The following MACROD2 variants were observed in gnomAD, a reference collection of about 807,000 sequenced individuals.
MACROD2 encodes the protein mono-ADP ribosylhydrolase 2.
In MACROD2, 36 loss-of-function variants were observed where a neutral mutation model predicts 70.4. The ratio of observed to expected loss-of-function variants is 0.51; its 90% CI spans 0.39 to 0.68. The LOEUF (loss-of-function observed/expected upper bound fraction) is 0.68. Among genes scored for constraint, MACROD2 ranks in the 30% least tolerant of loss-of-function variants. The pLI is 0.00. For synonymous variants in MACROD2, 172 were observed against 178.8 expected, an observed-to-expected ratio of 0.96 and a Z score of 0.30; for missense variants, 496 against 538.4, an observed-to-expected ratio of 0.92 and a Z score of 0.78.
intron 3 of MACROD2, among the ~76,000 whole-genome samples, chr20:14,143,709 T>C (rs1296984178): frequency 6.6e-6 from 1 of 152,210 alleles, no homozygotes; most frequent in Non-Finnish European, 1.5e-5. Flanking sequence ...GGAATGAGCA[T>C]CTTCCATTAA....
intron 8 of MACROD2, among the ~76,000 whole-genome samples, chr20:15,820,129 G>A (rs1301706305): frequency 6.6e-6 from 1 of 152,040 alleles, no homozygotes; most frequent in Non-Finnish European, 1.5e-5. Flanking sequence ...AAGCATGAAT[G>A]GGTACAGTTA....
intron 5 of MACROD2, among the ~76,000 whole-genome samples, chr20:15,067,778 G>A (rs922002623): frequency 2.6e-5 from 4 of 152,262 alleles, no homozygotes; most frequent in South Asian, 2.1e-4. Context: ...TTGGATGGGG[G>A]TGGGGAATGG....
intron 5 of MACROD2, among the ~76,000 whole-genome samples, chr20:14,908,889 G>C (rs1158011329): frequency 6.6e-6 from 1 of 152,174 alleles, no homozygotes; most frequent in African/African-American, 2.4e-5. Flanking sequence ...AGTTAAATGT[G>C]TAAATGGTGT....
intron 3 of MACROD2, among the ~76,000 whole-genome samples, chr20:14,422,543 T>C (rs2083886711): frequency 6.6e-6 from 1 of 152,178 alleles, no homozygotes; most frequent in East Asian, 1.9e-4. Context: ...AAAGCTTTGA[T>C]TCCTTTATTA....
intron 6 of MACROD2, among the ~76,000 whole-genome samples, chr20:15,358,950 G>A (rs1025055339): frequency 2.6e-5 from 4 of 152,084 alleles, no homozygotes; most frequent in Non-Finnish European, 5.9e-5. Context: ...GAATTTTGGG[G>A]TGACACAAAC....
At chr20:15,661,741 G>A (rs2146817499) in intron 8 of MACROD2, among the ~76,000 whole-genome samples, 1 of 152,248 alleles carries the variant, frequency 6.6e-6, no homozygotes, top group African/African-American at 2.4e-5. Context: ...CCCTGGAATG[G>A]CAATAGTGTC....
chr20:15,125,142 A>G (rs1227352919), intron 5 of MACROD2, among the ~76,000 whole-genome samples: 5 of 152,082 alleles, frequency 3.3e-5, no homozygotes, highest in Non-Finnish European at 7.4e-5. Context: ...ATAGTTGTGT[A>G]TAAACTTATT....
chr20:15,533,579 C>A (rs1273454194), intron 8 of MACROD2, among the ~76,000 whole-genome samples: 2 of 137,528 alleles, frequency 1.5e-5, no homozygotes, highest in African/African-American at 5.5e-5. Context: ...CTCTCTCTCT[C>A]TCTTTTTAAG....
rs1217800373 is a variant in MACROD2 at position 15,571,108 on chromosome 20, G to T, written c.645+71261G>T. 3.3e-5 allele frequency among the ~76,000 whole-genome samples: 5 copies of T among 152,030 alleles called. No individual in the cohort carries two copies. In the East Asian group the frequency reaches 9.6e-4, roughly 29 times the overall value. On this transcript the variant is annotated intron_variant, in intron 8 of 17. Coordinates refer to ENST00000684519, the MANE Select transcript of MACROD2 (RefSeq NM_001351661.2). ...CTGCTAAAGAAATTTAACTCTTAAG[G>T]TATATTTTAATCTACAATTGTAGGT...
chr20:14,558,986 G>C (rs1270368101), intron 4 of MACROD2, among the ~76,000 whole-genome samples: 3 of 151,752 alleles, frequency 2.0e-5, no homozygotes, highest in African/African-American at 7.2e-5. Context: ...CAGACACAAA[G>C]ATTCACAAAT....
At chr20:14,473,383 A>G (rs1180639228) in intron 3 of MACROD2, among the ~76,000 whole-genome samples, 2 of 152,234 alleles carry the variant, frequency 1.3e-5, no homozygotes, top group Non-Finnish European at 2.9e-5. Context: ...TAGATTTCAC[A>G]TATACGTGAG....
At chr20:15,331,438 A>AT (rs553053258) in intron 6 of MACROD2, among the ~76,000 whole-genome samples, 1 of 151,484 alleles carries the variant, frequency 6.6e-6, no homozygotes, top group Non-Finnish European at 1.5e-5. Context: ...ATGCACATCA[A>AT]TTTTTTTTCT....
At chr20:15,082,535 T>G (rs934906530) in intron 5 of MACROD2, among the ~76,000 whole-genome samples, 2 of 138,932 alleles carry the variant, frequency 1.4e-5, no homozygotes, top group Non-Finnish European at 3.1e-5. Flanking sequence ...TTTTTTTTTT[T>G]TTTTTTTTTT....
intron 3 of MACROD2, among the ~76,000 whole-genome samples, chr20:14,339,832 C>T (rs1225430820): frequency 6.6e-6 from 1 of 152,156 alleles, no homozygotes; most frequent in Non-Finnish European, 1.5e-5. Context: ...AAAATATATT[C>T]TATACTGGGG....
intron 7 of MACROD2, among the ~76,000 whole-genome samples, chr20:15,446,612 C>T (rs1439441120): frequency 3.3e-5 from 5 of 152,286 alleles, no homozygotes; most frequent in African/African-American, 4.8e-5. Context: ...ACCAAACTTG[C>T]GAACGCCAGC....
intron 3 of MACROD2, chr20:14,086,093 T>A (rs967230095): frequency 8.2e-6 from 2 of 242,584 alleles, no homozygotes; most frequent in Non-Finnish European, 1.7e-5. Context: ...AGCTTTTTTC[T>A]TCTTTTGAAT....
At position 14,793,663 on chromosome 20, in the gene MACROD2, C is replaced by T. The variant is rs562164640; in HGVS notation, c.418+108704C>T. 5.9e-5 allele frequency among the ~76,000 whole-genome samples: 9 copies of T among 152,120 alleles called. No homozygotes were observed. The South Asian group carries it at 6.2e-4, about 11-fold the overall frequency. ...ATGGGGGAACAAATTAAAAGACATT[C>T]GCGTTATCAGATTCCAAAAGCTCGA... On this transcript the variant is annotated intron_variant, in intron 5 of 17. Transcript: ENST00000684519.
At chr20:14,994,406 A>G (rs765328699) in intron 5 of MACROD2, among the ~76,000 whole-genome samples, 1 of 151,788 alleles carries the variant, frequency 6.6e-6, no homozygotes, top group Admixed American at 6.6e-5. Flanking sequence ...CTCTCTTCCC[A>G]CCACCTGTTC....
chr20:14,355,916 A>G (rs2083167982), intron 3 of MACROD2, among the ~76,000 whole-genome samples: 2 of 152,156 alleles, frequency 1.3e-5, no homozygotes, highest in African/African-American at 4.8e-5. Context: ...AGGGAGTAGA[A>G]CATTTGGTAG....
Sources: gnomAD v4.1 joint callset for allele counts (sites outside exome capture counted in the v4.1 genomes callset) on GRCh38, gnomAD v4.1.1 for gene constraint, MANE v1.5 for transcripts, NCBI Gene and HGNC (gene_info 2026-07-23, HGNC 2026-07-21) for gene names.